Variants in MATK observed in about 807,000 individuals in gnomAD.
The protein encoded by MATK is megakaryocyte-associated tyrosine kinase.
Under a neutral mutation model 59.8 loss-of-function variants are expected in MATK, and 41 were observed. The ratio of observed to expected loss-of-function variants is 0.69; its 90% CI spans 0.53 to 0.89. MATK has a LOEUF of 0.89. MATK is among the 40% of genes least tolerant of loss of function. The pLI, the probability that MATK is intolerant of heterozygous loss-of-function variation, is 0.00. For synonymous variants in MATK, 308 were observed against 306.1 expected (o/e 1.01, Z -0.06); for missense variants, 593 against 719.6 (o/e 0.82, Z 2.01).
chr19:3,778,332 T>C lies in MATK; in HGVS notation c.1375A>G (p.Ser459Gly). The change falls in exon 14 of 14, where the codon AGC becomes GGC. Residue 459 changes from serine (S) to glycine (G), a missense_variant. By Grantham distance (56) the Ser-to-Gly change is moderately conservative (BLOSUM62 0). Coordinates refer to ENST00000310132, the MANE Select transcript of MATK (RefSeq NM_139355.3). ...CPGPVHVLMS[S>G]CWEAEPARRP... ...CGGGCGGGCTCTGCCTCCCAGCAGCTGCTCATGAGGACGTGCACGGGGCCT... is the reference window on the plus strand; with the variant it reads ...CGGGCGGGCTCTGCCTCCCAGCAGCCGCTCATGAGGACGTGCACGGGGCCT... 6.3e-7 allele frequency: 1 copy of C among 1,577,048 alleles called. No homozygotes were observed. The highest frequency in any genetic ancestry group is 8.6e-7 in the Non-Finnish European group (1 of 1,165,814).
intron 9 of MATK, 35 bp downstream of exon 9, chr19:3,779,663 C>T (rs200244174): frequency 6.5e-5 from 104 of 1,610,072 alleles, no homozygotes; most frequent in South Asian, 1.2e-4. Context: ...GGACCCCCCC[C>T]GTCCCACGGT....
intron 8 of MATK, among the ~76,000 whole-genome samples, chr19:3,780,484 G>A (rs2037384773): frequency 6.6e-6 from 1 of 151,792 alleles, no homozygotes; most frequent in East Asian, 1.9e-4. Context: ...CTGGAGTGCA[G>A]TGGCGCCATC....
rs758044050 is a variant in MATK at position 3,783,858 on chromosome 19, T to C, written c.538A>G (p.Ile180Val). ...RVLHRDGHLTIDEAVFFCNLM... is the reference protein window; with the variant it reads ...RVLHRDGHLTVDEAVFFCNLM... ...TTGCAGAAGAACACGGCCTCATCGA[T>C]TGTGAGGTGGCCGTCGCGGTGCAGC... The change falls in exon 6 of 14, where the codon ATC becomes GTC. Residue 180 changes from isoleucine (I) to valine (V), a missense_variant. Ile to Val is a conservative substitution (Grantham distance 29). Transcript: ENST00000310132. 3 of 1,613,140 alleles carry C rather than the reference T, an allele frequency of 1.9e-6. No individual in the cohort carries two copies. The highest frequency in any genetic ancestry group is 1.1e-5 in the South Asian group (1 of 91,068).
At chr19:3,786,691 A>G (rs969699866), upstream of MATK, among the ~76,000 whole-genome samples, 8 of 150,736 alleles carry the variant, frequency 5.3e-5, no homozygotes, top group South Asian at 4.2e-4. This position sits in a 1 kb window ranked among gnomAD's most constrained non-coding sequence, Gnocchi z 4.1. Context: ...TGCAATTCCA[A>G]CTCCCTCAGT....
rs1251566963 is a variant in MATK, at chr19:3,778,334, C to T, written c.1373G>A (p.Ser458Asn). Residue 458 changes from serine (S) to asparagine (N), a missense_variant, in exon 14 of 14, where the codon AGC becomes AAC. By Grantham distance (46) the Ser-to-Asn change is conservative. Transcript: ENST00000310132. The part of the protein sequence containing the change: ...GCPGPVHVLM[S>N]SCWEAEPARR... The stretch of plus-strand genomic sequence containing the variant: ...GGCGGGCTCTGCCTCCCAGCAGCTG[C>T]TCATGAGGACGTGCACGGGGCCTGG... 1 of 1,579,352 alleles carries T rather than the reference C, an allele frequency of 6.3e-7. No individual in the cohort carries two copies. Among genetic ancestry groups the T allele is most frequent in the East Asian group, 2.2e-5 (1 of 44,506 alleles).
At position 3,784,392 on chromosome 19, in the gene MATK, T is replaced by C. The variant is rs1186535370; in HGVS notation, c.192A>G (p.Pro64=). The part of the protein sequence containing the change: ...ITKCEHTRPK[P]GELAFRKGDV... Reference sequence around the variant, plus strand: ...CGCCCTTGCGGAAGGCCAGCTCCCCTGGCTTGGGGCGGGTGTGCTCGCATT... The same window carrying C: ...CGCCCTTGCGGAAGGCCAGCTCCCCCGGCTTGGGGCGGGTGTGCTCGCATT... The change falls in exon 4 of 14, where the codon CCA becomes CCG. Residue 64 remains proline, a synonymous_variant. Coordinates refer to ENST00000310132, the MANE Select transcript of MATK (RefSeq NM_139355.3). 2 of 1,609,196 alleles carry C rather than the reference T, an allele frequency of 1.2e-6. No individual in the cohort carries two copies. The highest frequency in any genetic ancestry group is 2.7e-5 in the African/African-American group (2 of 74,990).
Position 3,785,125 on chromosome 19 carries a change from C to T in MATK, c.11G>A (p.Arg4Gln), listed in dbSNP as rs769759269. 8 of 1,614,080 alleles carry T rather than the reference C, an allele frequency of 5.0e-6. No homozygotes were observed. Among genetic ancestry groups the T allele is most frequent in the Non-Finnish European group, 6.8e-6 (8 of 1,179,994 alleles). Residue 4 changes from arginine to glutamine, a missense_variant, in exon 2 of 14, where the codon CGA (arginine) becomes CAA (glutamine). Transcript: ENST00000310132. MAGRGSLVSWRAFH... is the reference protein window; with the variant it reads MAGQGSLVSWRAFH... ...TGCCCGCCAGGAAACCAGAGAGCCT[C>T]GCCCCGCCATCGCCCCCAGAGGGAA...
intron 1 of MATK, among the ~76,000 whole-genome samples, chr19:3,796,851 A>G (rs2052059): frequency 0.61 from 92,279 of 151,958 alleles, 28,140 homozygotes; most frequent in East Asian, 0.69. Context: ...ACAGTATTGT[A>G]GGTGGATACT....
intron 3 of MATK, 156 bp downstream of exon 3, chr19:3,784,669 A>G (rs1160087043): frequency 4.3e-6 from 3 of 702,818 alleles, no homozygotes; most frequent in African/African-American, 3.6e-5. Context: ...CCTGGGACAG[A>G]AGGTCAGGAA....
intron 1 of MATK, among the ~76,000 whole-genome samples, chr19:3,793,609 G>A (rs1715679597): frequency 1.3e-5 from 2 of 152,100 alleles, no homozygotes; most frequent in Non-Finnish European, 2.9e-5. Flanking sequence ...GGCTGAGGCA[G>A]GAGAATGGCG....
Position 3,779,127 on chromosome 19 carries a change from G to T in MATK, c.1062C>A (p.Ala354=), listed in dbSNP as rs150394159. Residue 354 remains alanine (A), a synonymous_variant, in exon 12 of 14, where the codon GCC becomes GCA. Coordinates refer to ENST00000310132, the MANE Select transcript of MATK (RefSeq NM_139355.3). ...ESKKLVHRDL[A]ARNILVSEDL... is the part of the protein sequence containing the mutation. Reference sequence around the variant, plus strand: ...CCTCTGAGACCAGGATGTTGCGGGCGGCCAGGTCGCGGTGCACAAGCTTCT... The same window carrying T: ...CCTCTGAGACCAGGATGTTGCGGGCTGCCAGGTCGCGGTGCACAAGCTTCT... 1 of 1,609,714 alleles carries T rather than the reference G, an allele frequency of 6.2e-7. No individual in the cohort carries two copies. The highest frequency in any genetic ancestry group is 1.7e-5 in the Admixed American group (1 of 59,820).
chr19:3,797,323 G>T (rs1464801186), intron 1 of MATK, among the ~76,000 whole-genome samples: 3 of 134,266 alleles, frequency 2.2e-5, no homozygotes, highest in South Asian at 2.3e-4. Flanking sequence ...TTGAGACAGG[G>T]TCTCACTCTG....
At chr19:3,791,351 CTT>C (rs1555749731), upstream of MATK, among the ~76,000 whole-genome samples, 5 of 143,474 alleles carry the variant, frequency 3.5e-5, no homozygotes, top group Non-Finnish European at 4.6e-5. Context: ...CCTCCCCCCA[CTT>C]TTTTTTTTTT....
intron 1 of MATK, among the ~76,000 whole-genome samples, chr19:3,795,563 C>G (rs1250986501): frequency 6.6e-6 from 1 of 151,100 alleles, no homozygotes; most frequent in Non-Finnish European, 1.5e-5. Flanking sequence ...CCACCATGCC[C>G]GGCCTCATAT....
At chr19:3,791,350 A>G (rs12982720), upstream of MATK, among the ~76,000 whole-genome samples, 81 of 148,872 alleles carry the variant, frequency 5.4e-4, no homozygotes, top group South Asian at 3.4e-3. Context: ...ACCTCCCCCC[A>G]CTTTTTTTTT....
intron 1 of MATK, among the ~76,000 whole-genome samples, chr19:3,801,083 C>G (rs926086191): frequency 6.6e-6 from 1 of 152,080 alleles, no homozygotes; most frequent in African/African-American, 2.4e-5. Context: ...GTAATCCGCC[C>G]GCCTCGGCCT....
chr19:3,789,552 T>C (rs2037520670), upstream of MATK: 1 of 494,508 alleles, frequency 2.0e-6, no homozygotes, highest in East Asian at 3.3e-5. Flanking sequence ...GGTTCGCAAA[T>C]TGTCAAGGGC....
chr19:3,784,111 C>A lies in MATK; in HGVS notation c.362+13G>T, dbSNP rs1448227007. ...GCTGTCCCCTACCCCAGGCCCCTGT[C>A]CTGCCCACTCACGGCATGAGGCTGA... On this transcript the variant is annotated intron_variant, in intron 5 of 13. Coordinates refer to ENST00000310132, the MANE Select transcript of MATK (RefSeq NM_139355.3). 10 of 1,602,292 alleles carry A rather than the reference C, an allele frequency of 6.2e-6. No homozygotes were observed. The highest frequency in any genetic ancestry group is 1.7e-4 in the Middle Eastern group (1 of 6,028).
rs750856511 is a variant in MATK at position 3,783,166 on chromosome 19, C to A, written c.636G>T (p.Arg212=). 1 of 1,614,106 alleles carries A rather than the reference C, an allele frequency of 6.2e-7. No homozygotes were observed. The change falls in exon 7 of 14, where the codon CGG becomes CGT. Residue 212 remains arginine, a synonymous_variant. Coordinates refer to ENST00000310132, the MANE Select transcript of MATK (RefSeq NM_139355.3). ...CCTCGGCCGACTTGGTCCCGTGTTT[C>A]CGCTTTGGTCTCACCAGCTTGGTGC... ...AICTKLVRPK[R]KHGTKSAEEE...
Sources: allele counts gnomAD v4.1 joint callset (sites outside exome capture counted in the v4.1 genomes callset), GRCh38; gene constraint gnomAD v4.1.1; non-coding constraint Gnocchi (gnomAD v3.1); transcripts MANE v1.5; gene names NCBI Gene and HGNC (gene_info 2026-07-23, HGNC 2026-07-21).